Variants in WDR47 observed in about 807,000 individuals in gnomAD.
The protein encoded by WDR47 is WD repeat-containing protein 47.
Under a neutral mutation model 97.2 loss-of-function variants are expected in WDR47, and 32 were observed. The ratio of observed to expected loss-of-function variants is 0.33; its 90% CI spans 0.25 to 0.44. WDR47 has a LOEUF of 0.44. Ranked by LOEUF, WDR47 falls within the 20% of genes least tolerant of loss-of-function variation. The pLI is 1.00. For synonymous variants in WDR47, 375 were observed against 373.5 expected (o/e 1.00, Z -0.05); for missense variants, 782 against 1,102.3 (o/e 0.71, Z 4.11).
At position 108,982,661 on chromosome 1, in the gene WDR47, A is replaced by G; in HGVS notation, c.2214T>C (p.Tyr738=). ...ISAGAGDCNI[Y]TTDCQRGQGL... ...CCTGTCCTCTTTGACAATCGGTTGT[A>G]TAAATGTTACAATCCCCTGCTCCAG... Residue 738 remains tyrosine (Y), a synonymous_variant, in exon 12 of 15, where the codon TAT becomes TAC. Transcript: ENST00000369962. 1 of 1,613,886 alleles carries G rather than the reference A, an allele frequency of 6.2e-7. No individual in the cohort carries two copies. Among genetic ancestry groups the G allele is most frequent in the Non-Finnish European group, 8.5e-7 (1 of 1,179,960 alleles).
At chr1:109,029,725 A>G (rs535232191) in intron 1 of WDR47, among the ~76,000 whole-genome samples, 1 of 150,584 alleles carries the variant, frequency 6.6e-6, no homozygotes, top group South Asian at 2.1e-4. Flanking sequence ...TTTTTTAAAA[A>G]AATTACCCGG....
At chr1:109,023,636 A>C (rs1329442872) in intron 1 of WDR47, 115 bp from the exon 2 acceptor site, 1 of 1,017,212 alleles carries the variant, frequency 9.8e-7, no homozygotes, top group Non-Finnish European at 1.4e-6. Flanking sequence ...ACATATTCTG[A>C]AGTGAAGTTA....
chr1:108,977,682 C>T (rs147948893), intron 13 of WDR47, among the ~76,000 whole-genome samples: 118 of 152,188 alleles, frequency 7.8e-4, no homozygotes, highest in African/African-American at 2.7e-3. Flanking sequence ...TGAAACCTCG[C>T]CTCCACTAAA....
In WDR47 at chr1:108,971,322, G is replaced by A. The variant is rs773220632; in HGVS notation, c.*108C>T. 40 of 1,471,938 alleles carry A rather than the reference G, an allele frequency of 2.7e-5. No individual in the cohort carries two copies. The highest frequency in any genetic ancestry group is 3.3e-5 in the Non-Finnish European group (36 of 1,083,982). 91.2% of individuals were successfully genotyped at this position (1,471,938 alleles called of 1,614,324 possible). A position where few individuals can be genotyped will look rare whatever the true frequency, so the allele number is the denominator to read the frequency against. ...ATACATGGTAATAAGGGGCCTCTTC[G>A]TGCTAAACCACTTTCCTGGACACTA... On this transcript the variant is annotated 3_prime_UTR_variant, in exon 15 of 15. Coordinates refer to ENST00000369962, the MANE Select transcript of WDR47 (RefSeq NM_001142551.2).
chr1:109,026,235 G>A (rs1386554618), intron 1 of WDR47, among the ~76,000 whole-genome samples: 1 of 151,880 alleles, frequency 6.6e-6, no homozygotes, highest in Non-Finnish European at 1.5e-5. Context: ...ACTTTTTGTA[G>A]AGACGGGATC....
At chr1:108,990,231 C>T (rs1408540835) in intron 9 of WDR47, among the ~76,000 whole-genome samples, 1 of 151,772 alleles carries the variant, frequency 6.6e-6, no homozygotes, top group Non-Finnish European at 1.5e-5. Context: ...TTTTTGGAGA[C>T]AGAGTCTTGC....
intron 10 of WDR47, among the ~76,000 whole-genome samples, chr1:108,984,420 C>T (rs1439037543): frequency 6.6e-6 from 1 of 152,086 alleles, no homozygotes; most frequent in East Asian, 1.9e-4. Flanking sequence ...AATACTTTAG[C>T]AAATGAACAA....
intron 4 of WDR47, 117 bp downstream of exon 4, chr1:109,013,724 C>T: frequency 9.9e-7 from 1 of 1,006,098 alleles, no homozygotes; most frequent in Non-Finnish European, 1.5e-6. Flanking sequence ...GATCTTGCCC[C>T]ATCCCAGCTC....
At position 108,981,825 on chromosome 1, in the gene WDR47, A is replaced by G; in HGVS notation, c.2306T>C (p.Ile769Thr). The G allele has an allele frequency of 6.2e-7, 1 of 1,613,956 alleles. No individual in the cohort carries two copies. ...AGTCTTATCTTGGGAACCAGATGCA[A>G]TCATCCAGCCACTCCAGGTATAAAG... is the stretch of plus-strand genomic sequence containing the variant. ...LALYTWSGWM[I>T]ASGSQDKTVR... Residue 769 changes from isoleucine to threonine, a missense_variant, in exon 13 of 15, where the codon ATT becomes ACT. Ile to Thr is a moderately conservative substitution (Grantham distance 89). Coordinates refer to ENST00000369962, the MANE Select transcript of WDR47 (RefSeq NM_001142551.2).
rs543538032 is a variant in WDR47 at position 109,007,355 on chromosome 1, C to A, written c.1131-2640G>T. Among the ~76,000 whole-genome samples the A allele has an allele frequency of 8.6e-5, 13 of 151,454 alleles. No homozygotes were observed. In the East Asian group the frequency reaches 2.5e-3, roughly 30 times the overall value. ...AAAAAACAATAAATAGAGACAGGGT[C>A]TCACTCTATTGCCCAAGCTGGTCTC... is the stretch of plus-strand genomic sequence containing the variant. On this transcript the variant is annotated intron_variant, in intron 5 of 14. Coordinates refer to ENST00000369962, the MANE Select transcript of WDR47 (RefSeq NM_001142551.2).
At position 109,007,353 on chromosome 1, in the gene WDR47, G is replaced by T. The variant is rs577750198; in HGVS notation, c.1131-2638C>A. On this transcript the variant is annotated intron_variant, in intron 5 of 14. Coordinates refer to ENST00000369962, the MANE Select transcript of WDR47 (RefSeq NM_001142551.2). Reference sequence around the variant, plus strand: ...TAAAAAAACAATAAATAGAGACAGGGTCTCACTCTATTGCCCAAGCTGGTC... The same window carrying T: ...TAAAAAAACAATAAATAGAGACAGGTTCTCACTCTATTGCCCAAGCTGGTC... Among the ~76,000 whole-genome samples, 426 of 150,612 alleles carry T rather than the reference G, an allele frequency of 2.8e-3. 4 individuals carry two copies. Among genetic ancestry groups the T allele is most frequent in the African/African-American group, 0.01 (410 of 40,994 alleles).
chr1:109,037,445 T>C (rs1663039489), intron 1 of WDR47, among the ~76,000 whole-genome samples: 1 of 151,462 alleles, frequency 6.6e-6, no homozygotes, highest in South Asian at 2.1e-4. Context: ...GAGACCACAG[T>C]GAAACCCTGT....
chr1:109,033,905 T>C (rs1662766736), intron 1 of WDR47, among the ~76,000 whole-genome samples: 1 of 150,756 alleles, frequency 6.6e-6, no homozygotes, highest in Non-Finnish European at 1.5e-5. Flanking sequence ...GGCAACAGAG[T>C]GAGACTCTGT....
chr1:109,027,885 A>C (rs1662320864), intron 1 of WDR47, among the ~76,000 whole-genome samples: 1 of 152,164 alleles, frequency 6.6e-6, no homozygotes, highest in Non-Finnish European at 1.5e-5. Context: ...GAGGTGGGCA[A>C]CATAGTGAGA....
chr1:108,992,450 T>C, intron 8 of WDR47: 12 of 1,591,056 alleles, frequency 7.5e-6, no homozygotes, highest in South Asian at 6.6e-5. Context: ...ACAGAAACAG[T>C]GTGTACCATT....
intron 11 of WDR47, 90 bp from the exon 12 acceptor site, chr1:108,982,869 G>A: frequency 7.4e-7 from 1 of 1,351,932 alleles, no homozygotes; most frequent in Non-Finnish European, 1.0e-6. Flanking sequence ...AACTGGTCAA[G>A]AATAATGGTT....
chr1:108,995,502 G>C lies in WDR47; in HGVS notation c.1691+78C>G. 4 of 1,520,900 alleles carry C rather than the reference G, an allele frequency of 2.6e-6. No individual in the cohort carries two copies. The South Asian group carries it at 5.2e-5, about 20-fold the overall frequency. The allele number at this position is 1,520,900 out of a possible 1,614,324, so 94.2% of individuals were successfully genotyped here. ...AAGCTCTAAAAACTTTTATTTATAAGGCTCCAAAGACAAGTTCAACCTTCT... is the reference window on the plus strand; with the variant it reads ...AAGCTCTAAAAACTTTTATTTATAACGCTCCAAAGACAAGTTCAACCTTCT... On this transcript the variant is annotated intron_variant, in intron 8 of 14. Transcript: ENST00000369962.
intron 9 of WDR47, among the ~76,000 whole-genome samples, chr1:108,990,360 C>T (rs1463204562): frequency 6.6e-6 from 1 of 152,004 alleles, no homozygotes; most frequent in Non-Finnish European, 1.5e-5. Flanking sequence ...AGGCGTGAAC[C>T]ACTATGCCTG....
At chr1:108,971,801 C>T (rs1374909420) in intron 14 of WDR47, among the ~76,000 whole-genome samples, 4 of 152,134 alleles carry the variant, frequency 2.6e-5, no homozygotes, top group Non-Finnish European at 5.9e-5. Context: ...CTCTCTCTCT[C>T]TCGGAAATTC....
Sources: gnomAD v4.1 joint callset for allele counts (sites outside exome capture counted in the v4.1 genomes callset) on GRCh38, gnomAD v4.1.1 for gene constraint, MANE v1.5 for transcripts, NCBI Gene and HGNC (gene_info 2026-07-23, HGNC 2026-07-21) for gene names.